ADAMTS2: variants seen among roughly 807,000 people sequenced by gnomAD.
The protein encoded by ADAMTS2 is ADAM metallopeptidase with thrombospondin type 1 motif 2, also known as A disintegrin and metalloproteinase with thrombospondin motifs 2.
Under a neutral mutation model 123.0 loss-of-function variants are expected in ADAMTS2, and 50 were observed. That is an observed-to-expected ratio of 0.41 (90% confidence interval 0.32 to 0.51). ADAMTS2 has a LOEUF of 0.51. ADAMTS2 is among the 20% of genes least tolerant of loss of function. The pLI is 0.35. For synonymous variants in ADAMTS2, 678 were observed against 695.4 expected (o/e 0.98, Z 0.39); for missense variants, 1,494 against 1,705.2 (o/e 0.88, Z 2.18).
In ADAMTS2 at chr5:179,207,614, C is replaced by A; in HGVS notation, c.790G>T (p.Asp264Tyr). The change falls in exon 4 of 22, where the codon GAT (aspartate) becomes TAT (tyrosine). Residue 264 changes from aspartate to tyrosine, a missense_variant. By Grantham distance (160) the Asp-to-Tyr change is radical. Transcript: ENST00000251582. ...AGCAGGACCTCGATGTTGTAGTCAT[C>A]GTCCGCAGCATGCCTGCGTGCCCTC... ...RRRARRHAAD[D>Y]DYNIEVLLGV... The A allele has an allele frequency of 6.2e-7, 1 of 1,613,852 alleles. No homozygotes were observed.
At chr5:179,269,224 C>A (rs73333240) in intron 3 of ADAMTS2, among the ~76,000 whole-genome samples, 1 of 152,156 alleles carries the variant, frequency 6.6e-6, no homozygotes, top group African/African-American at 2.4e-5. Context: ...GGAGGGAGCA[C>A]AGCCCTGTCC....
rs35662050 is a variant in ADAMTS2, at chr5:179,140,321, AC to A, written c.1630-287del. On this transcript the variant is annotated intron_variant, in intron 10 of 21. Transcript: ENST00000251582. ...TGTCCCCTCAGCTGGAAGCTGCACCACATGACGCCGCCAGGATAGATGCCTC... is the reference window on the plus strand; with the variant it reads ...TGTCCCCTCAGCTGGAAGCTGCACCAATGACGCCGCCAGGATAGATGCCTC... 9.5e-3 allele frequency among the ~76,000 whole-genome samples: 1,442 copies of A among 152,344 alleles called. 10 individuals are homozygous for A. Among genetic ancestry groups the A allele is most frequent in the Middle Eastern group, 0.02 (6 of 294 alleles).
intron 3 of ADAMTS2, among the ~76,000 whole-genome samples, chr5:179,243,321 C>A (rs1481832771): frequency 6.6e-6 from 1 of 152,098 alleles, no homozygotes; most frequent in Non-Finnish European, 1.5e-5. Flanking sequence ...AATCATCCCT[C>A]AATTAGTGAA....
intron 2 of ADAMTS2, among the ~76,000 whole-genome samples, chr5:179,295,022 C>T (rs1220832897): frequency 6.6e-6 from 1 of 152,152 alleles, no homozygotes; most frequent in African/African-American, 2.4e-5. Context: ...TCCCACTGGC[C>T]GCATGGATCA....
At chr5:179,335,789 G>A (rs1222491236) in intron 2 of ADAMTS2, among the ~76,000 whole-genome samples, 1 of 152,134 alleles carries the variant, frequency 6.6e-6, no homozygotes, top group African/African-American at 2.4e-5. Flanking sequence ...CTTTCCATGT[G>A]CTCCCAATCC....
chr5:179,116,084 C>G (rs1762652004), intron 21 of ADAMTS2, among the ~76,000 whole-genome samples: 1 of 152,098 alleles, frequency 6.6e-6, no homozygotes, highest in Non-Finnish European at 1.5e-5. Flanking sequence ...ACCTGGGTGC[C>G]CCGTCCTAGA....
At chr5:179,169,415 C>T (rs1007490732) in intron 5 of ADAMTS2, among the ~76,000 whole-genome samples, 2 of 152,236 alleles carry the variant, frequency 1.3e-5, no homozygotes, top group Admixed American at 1.3e-4. Context: ...GCAGCCCAAA[C>T]AGACTAAGGC....
intron 21 of ADAMTS2, among the ~76,000 whole-genome samples, chr5:179,116,205 C>T (rs1332414461): frequency 6.6e-6 from 1 of 152,146 alleles, no homozygotes; most frequent in East Asian, 1.9e-4. Context: ...CCATGTCATC[C>T]AGCTATCCTG....
Position 179,207,696 on chromosome 5 carries a change from C to G in ADAMTS2, c.708G>C (p.Leu236=), listed in dbSNP as rs781247753. 3 of 1,611,576 alleles carry G rather than the reference C, an allele frequency of 1.9e-6. No homozygotes were observed. Among genetic ancestry groups the G allele is most frequent in the Admixed American group, 1.7e-5 (1 of 60,002 alleles). Residue 236 remains leucine (L), a synonymous_variant, in exon 4 of 22, where the codon CTG becomes CTC. Coordinates refer to ENST00000251582, the MANE Select transcript of ADAMTS2 (RefSeq NM_014244.5). ...CGCCCAGGGCGCGGCTGAGGCTGTCCAGGCTGTCCAGGGAGGCCCCTGCAA... is the reference window on the plus strand; with the variant it reads ...CGCCCAGGGCGCGGCTGAGGCTGTCGAGGCTGTCCAGGGAGGCCCCTGCAA... ...ALDTGASLDS[L]DSLSRALGVL...
intron 4 of ADAMTS2, among the ~76,000 whole-genome samples, chr5:179,182,836 C>A (rs894934575): frequency 6.6e-6 from 1 of 152,106 alleles, no homozygotes; most frequent in African/African-American, 2.4e-5. Flanking sequence ...GGTCAGCAAC[C>A]CCTGTAGGCG....
chr5:179,337,433 G>A (rs578137858), intron 2 of ADAMTS2, among the ~76,000 whole-genome samples: 3 of 152,174 alleles, frequency 2.0e-5, no homozygotes, highest in South Asian at 2.1e-4. Flanking sequence ...ACCCCCACAC[G>A]CACACTGCAT....
At chr5:179,337,719 T>C (rs963318876) in intron 2 of ADAMTS2, among the ~76,000 whole-genome samples, 1 of 152,164 alleles carries the variant, frequency 6.6e-6, no homozygotes, top group African/African-American at 2.4e-5. Flanking sequence ...GCCCAGACCA[T>C]AGCTCAGGCA....
At chr5:179,183,130 G>A (rs1348127633) in intron 4 of ADAMTS2, among the ~76,000 whole-genome samples, 1 of 152,196 alleles carries the variant, frequency 6.6e-6, no homozygotes, top group Non-Finnish European at 1.5e-5. Flanking sequence ...CTGGGGGTAG[G>A]GTATGCACCC....
intron 3 of ADAMTS2, among the ~76,000 whole-genome samples, chr5:179,210,181 G>C (rs1014465971): frequency 2.0e-5 from 3 of 152,232 alleles, no homozygotes; most frequent in African/African-American, 7.2e-5. Flanking sequence ...TGGCTCACCA[G>C]GCCACCTGCC....
chr5:179,272,918 C>T lies in ADAMTS2; in HGVS notation c.681G>A (p.Leu227=), dbSNP rs1394677898. Reference sequence around the variant, plus strand: ...CACCTGCAGTAGCCTCACCTGTGTCCAGGGCCTGTGGCCCCCCGAGAGGAG... The same window carrying T: ...CACCTGCAGTAGCCTCACCTGTGTCTAGGGCCTGTGGCCCCCCGAGAGGAG... ...TSPPLGGPQA[L]DTGASLDSLD... The change falls in exon 3 of 22, where the codon CTG becomes CTA. Residue 227 remains leucine (L), a synonymous_variant. Coordinates refer to ENST00000251582, the MANE Select transcript of ADAMTS2 (RefSeq NM_014244.5). This position sits in a 1 kb window ranked among gnomAD's most constrained non-coding sequence, Gnocchi z 5.8. The T allele has an allele frequency of 6.2e-6, 10 of 1,609,688 alleles. No homozygotes were observed. The South Asian group carries it at 9.9e-5, about 16-fold the overall frequency.
chr5:179,189,350 A>AT lies in ADAMTS2; in HGVS notation c.892-8196dup, dbSNP rs35847485. Among the ~76,000 whole-genome samples, 3,503 of 141,618 alleles carry AT rather than the reference A, an allele frequency of 0.025. 73 individuals carry two copies. The highest frequency in any genetic ancestry group is 0.053 in the African/African-American group (2,051 of 38,684). 92.9% of individuals were successfully genotyped at this position (141,618 alleles called of 152,430 possible). On this transcript the variant is annotated intron_variant, in intron 4 of 21. Coordinates refer to ENST00000251582, the MANE Select transcript of ADAMTS2 (RefSeq NM_014244.5). The surrounding 1 kb of genome is among the most constrained non-coding windows in gnomAD (Gnocchi z 4.2). ...GGGATAGACGGTGGAGTTAGGAGCA[A>AT]TTTTTTTTTTTTTTTGAGACGGAGT...
chr5:179,135,656 G>A (rs771027488), intron 13 of ADAMTS2, among the ~76,000 whole-genome samples: 9 of 152,120 alleles, frequency 5.9e-5, no homozygotes, highest in Non-Finnish European at 1.3e-4. Context: ...ACCGTGACCT[G>A]TGGAATCAGG....
rs756990084 is a variant in ADAMTS2 at position 179,154,097 on chromosome 5, C to T, written c.1334G>A (p.Arg445His). 5 of 1,602,274 alleles carry T rather than the reference C, an allele frequency of 3.1e-6. No individual in the cohort carries two copies. The highest frequency in any genetic ancestry group is 1.7e-5 in the Admixed American group (1 of 59,204). Residue 445 changes from arginine (R) to histidine (H), a missense_variant, in exon 8 of 22, where the codon CGC becomes CAC. Arg to His is a conservative substitution (Grantham distance 29). This residue lies in a region of ADAMTS2 where 953 missense variants were observed against 1,124.7 expected (regional missense o/e 0.85). Transcript: ENST00000251582. ...MAPLVQAAFH[R>H]FHWSRCSQQE... ...CTGGCTGCAGCGGGACCAGTGGAAG[C>T]GGTGGAAGGCGGCCTGCACCAGGGG...
intron 2 of ADAMTS2, among the ~76,000 whole-genome samples, chr5:179,293,150 A>G (rs540509693): frequency 6.6e-6 from 1 of 152,214 alleles, no homozygotes; most frequent in Admixed American, 6.5e-5. Context: ...CGGGGAAGAC[A>G]GTCTGACCCC....
Sources: allele counts gnomAD v4.1 joint callset (sites outside exome capture counted in the v4.1 genomes callset), GRCh38; gene constraint gnomAD v4.1.1; regional missense constraint gnomAD v4.1.1; non-coding constraint Gnocchi (gnomAD v3.1); transcripts MANE v1.5; gene names NCBI Gene and HGNC (gene_info 2026-07-23, HGNC 2026-07-21).